ACBD6: variants seen among roughly 807,000 people sequenced by gnomAD.
The protein encoded by ACBD6 is acyl-CoA-binding domain-containing protein 6.
A neutral mutation model predicts 37.2 loss-of-function variants in ACBD6; 28 were observed. The observed-to-expected ratio is 0.75, with a 90% confidence interval of 0.56 to 1.03. The LOEUF is 1.03. Among genes scored for constraint, ACBD6 ranks in the 50% least tolerant of loss-of-function variants. The pLI, the probability that ACBD6 is intolerant of heterozygous loss-of-function variation, is 0.00. For missense variants in ACBD6, 340 were observed against 337.4 expected, an observed-to-expected ratio of 1.01 and a Z score of -0.06; for synonymous variants, 113 against 126.8, an observed-to-expected ratio of 0.89 and a Z score of 0.73.
intron 2 of ACBD6, among the ~76,000 whole-genome samples, chr1:180,494,419 A>C (rs1450783174): frequency 6.6e-6 from 1 of 152,196 alleles, no homozygotes; most frequent in Non-Finnish European, 1.5e-5. Flanking sequence ...GCTGGTTATC[A>C]TCAACCAAAA....
chr1:180,410,203 T>A (rs142592114), intron 5 of ACBD6, among the ~76,000 whole-genome samples: 164 of 152,280 alleles, frequency 1.1e-3, no homozygotes, highest in Non-Finnish European at 1.8e-3. Context: ...TTCATGTGGT[T>A]AAAGGAAAGA....
intron 6 of ACBD6, among the ~76,000 whole-genome samples, chr1:180,329,873 G>A (rs1472036337): frequency 6.6e-6 from 1 of 152,040 alleles, no homozygotes; most frequent in African/African-American, 2.4e-5. Flanking sequence ...CTTTTTACTG[G>A]CTGTCTTTCT....
intron 3 of ACBD6, among the ~76,000 whole-genome samples, chr1:180,454,626 T>C (rs185640972): frequency 6.6e-6 from 1 of 151,948 alleles, no homozygotes; most frequent in African/African-American, 2.4e-5. Context: ...AATCTATCCA[T>C]CTGACAAAGG....
At chr1:180,284,072 G>A (rs1649394488), downstream of ACBD6, among the ~76,000 whole-genome samples, 1 of 152,200 alleles carries the variant, frequency 6.6e-6, no homozygotes, top group Admixed American at 6.5e-5. Context: ...TCAAGGACAA[G>A]TGAATAAAGA....
chr1:180,344,453 A>G (rs1416480312), intron 6 of ACBD6, among the ~76,000 whole-genome samples: 6 of 152,238 alleles, frequency 3.9e-5, no homozygotes, highest in Non-Finnish European at 8.8e-5. Flanking sequence ...AGTATGGAAT[A>G]TATTTTTAAA....
intron 5 of ACBD6, among the ~76,000 whole-genome samples, chr1:180,411,153 C>A (rs1157949999): frequency 6.6e-6 from 1 of 152,186 alleles, no homozygotes; most frequent in African/African-American, 2.4e-5. Flanking sequence ...AAAACTTGAA[C>A]AGATGAGGAG....
chr1:180,384,144 AAAC>A (rs965518431), intron 6 of ACBD6, among the ~76,000 whole-genome samples: 4 of 152,060 alleles, frequency 2.6e-5, no homozygotes, highest in African/African-American at 9.7e-5. Context: ...TAAAAAAAAA[AAAC>A]AAAAATAGCT....
intron 3 of ACBD6, among the ~76,000 whole-genome samples, chr1:180,472,539 C>T (rs1269128226): frequency 4.0e-5 from 6 of 151,892 alleles, no homozygotes; most frequent in African/African-American, 1.2e-4. Flanking sequence ...TGCGGGGGTG[C>T]GGGTGTGTAT....
intron 6 of ACBD6, among the ~76,000 whole-genome samples, chr1:180,344,050 T>C (rs1274798571): frequency 2.6e-5 from 4 of 152,170 alleles, no homozygotes; most frequent in Non-Finnish European, 4.4e-5. Flanking sequence ...TGGCTCTGTA[T>C]AGAAGAAGAA....
intron 3 of ACBD6, among the ~76,000 whole-genome samples, chr1:180,453,391 G>A (rs1649790739): frequency 6.6e-6 from 1 of 152,160 alleles, no homozygotes; most frequent in African/African-American, 2.4e-5. Flanking sequence ...TTGATGGAAT[G>A]TATCTCAAAA....
chr1:180,271,475 G>T (rs1648654677), exon 14 of ACBD6: 3 of 1,614,078 alleles, frequency 1.9e-6, no homozygotes, highest in Non-Finnish European at 2.5e-6. Flanking sequence ...CCCCAAGCCT[G>T]CCCGGCACGT....
At chr1:180,270,915 G>A (rs1000163051) in exon 14 of ACBD6, 3 of 249,286 alleles carry the variant, frequency 1.2e-5, no homozygotes, top group African/African-American at 6.7e-5. Context: ...CCAGGGCAAA[G>A]GTGACATGGC....
chr1:180,274,116 G>C, intron 10 of ACBD6: 1 of 1,588,754 alleles, frequency 6.3e-7, no homozygotes, highest in Non-Finnish European at 8.6e-7. Context: ...TGTGTTCCTA[G>C]GTTGTGAAGA....
intron 3 of ACBD6, chr1:180,435,765 A>G (rs1649012334): frequency 1.2e-6 from 1 of 858,484 alleles, no homozygotes; most frequent in South Asian, 1.3e-5. Context: ...GCAGCCAAGT[A>G]TCAGATTGAC....
rs1296919304 is a variant in ACBD6 at position 180,486,572 on chromosome 1, C to T, written c.384+5697G>A. Among the ~76,000 whole-genome samples, 4 of 152,206 alleles carry T rather than the reference C, an allele frequency of 2.6e-5. No individual in the cohort carries two copies. The South Asian group carries it at 6.2e-4, about 24-fold the overall frequency. ...AAATGGGCAGAAAGGGAAAGTCCATCCTTACAGTGGAATGCTAAATAATAA... is the reference window on the plus strand; with the variant it reads ...AAATGGGCAGAAAGGGAAAGTCCATTCTTACAGTGGAATGCTAAATAATAA... On this transcript the variant is annotated intron_variant, in intron 3 of 7. Transcript: ENST00000367595.
At chr1:180,423,445 T>C (rs1034406215) in intron 4 of ACBD6, among the ~76,000 whole-genome samples, 4 of 152,202 alleles carry the variant, frequency 2.6e-5, no homozygotes, top group Admixed American at 2.6e-4. Flanking sequence ...CTGAATTATA[T>C]TAATATATGC....
chr1:180,455,539 G>A (rs1231116269), intron 3 of ACBD6, among the ~76,000 whole-genome samples: 3 of 151,622 alleles, frequency 2.0e-5, no homozygotes, highest in Non-Finnish European at 4.4e-5. Flanking sequence ...AAAGAAACTA[G>A]GAAACTTATT....
chr1:180,377,316 ACATT>A (rs556936530), intron 6 of ACBD6, among the ~76,000 whole-genome samples: 2 of 152,378 alleles, frequency 1.3e-5, no homozygotes, highest in South Asian at 4.1e-4. Flanking sequence ...ATACATACAT[ACATT>A]TTCTACATAT....
chr1:180,333,192 T>G (rs1026246452), intron 6 of ACBD6, among the ~76,000 whole-genome samples: 1 of 152,120 alleles, frequency 6.6e-6, no homozygotes, highest in Admixed American at 6.5e-5. Context: ...TAACATAAAT[T>G]ATACGTAACA....
Sources: gnomAD v4.1 joint callset for allele counts (sites outside exome capture counted in the v4.1 genomes callset) on GRCh38, gnomAD v4.1.1 for gene constraint, MANE v1.5 for transcripts, NCBI Gene and HGNC (gene_info 2026-07-23, HGNC 2026-07-21) for gene names.